CRISPLD1: variants seen among roughly 807,000 people sequenced by gnomAD.
CRISPLD1 encodes the protein cysteine-rich secretory protein LCCL domain-containing 1.
Under a neutral mutation model 77.5 loss-of-function variants are expected in CRISPLD1, and 60 were observed. That is an observed-to-expected ratio of 0.77 (90% confidence interval 0.63 to 0.96). CRISPLD1 has a LOEUF of 0.96. CRISPLD1 is among the 40% of genes least tolerant of loss of function. The pLI is 0.00. For synonymous variants in CRISPLD1, 195 were observed against 200.1 expected (o/e 0.97, Z 0.22); for missense variants, 623 against 615.8 (o/e 1.01, Z -0.12).
intron 2 of CRISPLD1, among the ~76,000 whole-genome samples, chr8:74,993,823 C>T (rs569845208): frequency 6.6e-6 from 1 of 152,164 alleles, no homozygotes; most frequent in African/African-American, 2.4e-5. Context: ...TTACTAAATG[C>T]CAGGCACTAT....
chr8:75,029,609 A>C, intron 14 of CRISPLD1, 92 bp downstream of exon 14: 1 of 1,358,136 alleles, frequency 7.4e-7, no homozygotes, highest in South Asian at 1.4e-5. Flanking sequence ...AATATTTTTA[A>C]TTTTTTTCAA....
Position 75,017,946 on chromosome 8 carries a change from T to G in CRISPLD1, c.1127+496T>G, listed in dbSNP as rs1390862136. Reference sequence around the variant, plus strand: ...TAAAAGTATCCCAATATAAAAGCATTTAATTTTATTAATGTTTCTCCTATT... The same window carrying G: ...TAAAAGTATCCCAATATAAAAGCATGTAATTTTATTAATGTTTCTCCTATT... On this transcript the variant is annotated intron_variant, in intron 10 of 14. Coordinates refer to ENST00000262207, the MANE Select transcript of CRISPLD1 (RefSeq NM_031461.6). Among the ~76,000 whole-genome samples the G allele has an allele frequency of 2.0e-5, 3 of 152,174 alleles. No individual in the cohort carries two copies. In the East Asian group the frequency reaches 5.8e-4, roughly 29 times the overall value.
At chr8:74,995,037 A>G (rs551849667) in intron 2 of CRISPLD1, among the ~76,000 whole-genome samples, 10 of 152,158 alleles carry the variant, frequency 6.6e-5, no homozygotes, top group Non-Finnish European at 1.0e-4. Context: ...GCCAATCTTG[A>G]ACATGAAATT....
At chr8:75,000,075 C>A in intron 2 of CRISPLD1, 1 of 906,210 alleles carries the variant, frequency 1.1e-6, no homozygotes, top group Non-Finnish European at 1.3e-6. Context: ...TAGGCAAGAC[C>A]AGGAGTGAAC....
chr8:75,024,141 T>C (rs1028623912), intron 12 of CRISPLD1, among the ~76,000 whole-genome samples: 1 of 152,078 alleles, frequency 6.6e-6, no homozygotes, highest in African/African-American at 2.4e-5. Context: ...ATTAGGCCCA[T>C]GTGACTGGAG....
rs749547145 is a variant in CRISPLD1 at position 75,032,175 on chromosome 8, T to TA, written c.1452-16_1452-15insA. The TA allele has an allele frequency of 1.1e-4, 34 of 320,590 alleles. No homozygotes were observed. The highest frequency in any genetic ancestry group is 1.1e-4 in the Non-Finnish European group (25 of 237,840). The allele number at this position is 320,590 out of a possible 1,614,324, so 19.9% of individuals were successfully genotyped here. ...ATGACATCAATATACTTTTCATATA[T>TA]TTTTTTTTTTTGCAGTTTACAGAAT... is the stretch of plus-strand genomic sequence containing the variant. On this transcript the variant is annotated splice_polypyrimidine_tract_variant and intron_variant, in intron 14 of 14. Transcript: ENST00000262207.
intron 3 of CRISPLD1, 61 bp downstream of exon 3, chr8:75,012,612 T>A: frequency 8.8e-7 from 1 of 1,137,012 alleles, no homozygotes; most frequent in Non-Finnish European, 1.3e-6. Flanking sequence ...AAGTCCTTAT[T>A]AATTCATCAG....
chr8:75,020,418 G>T (rs1016432852), intron 12 of CRISPLD1, among the ~76,000 whole-genome samples: 1 of 152,182 alleles, frequency 6.6e-6, no homozygotes, highest in Admixed American at 6.5e-5. Context: ...AGTTCTGGAG[G>T]TTGAGAAGTT....
At chr8:75,022,482 C>A (rs1313109858) in intron 12 of CRISPLD1, among the ~76,000 whole-genome samples, 1 of 151,396 alleles carries the variant, frequency 6.6e-6, no homozygotes, top group South Asian at 2.1e-4. Context: ...CCAGCTACTC[C>A]AGAGGCTGAG....
intron 6 of CRISPLD1, 101 bp from the exon 7 acceptor site, chr8:75,016,464 G>GT (rs543768969): frequency 4.7e-4 from 556 of 1,185,970 alleles, no homozygotes; most frequent in Non-Finnish European, 6.1e-4. Flanking sequence ...GATTTTTCTA[G>GT]TTCTAAATGT....
In CRISPLD1 at chr8:75,016,663, G is replaced by A. The variant is rs1813034179; in HGVS notation, c.826G>A (p.Asp276Asn). The A allele has an allele frequency of 1.2e-6, 2 of 1,613,306 alleles. No homozygotes were observed. Among genetic ancestry groups the A allele is most frequent in the Middle Eastern group, 1.7e-4 (1 of 6,052 alleles). The change falls in exon 7 of 15, where the codon GAT becomes AAT. Residue 276 changes from aspartate (D) to asparagine (N), a missense_variant. By Grantham distance (23) the Asp-to-Asn change is conservative. Coordinates refer to ENST00000262207, the MANE Select transcript of CRISPLD1 (RefSeq NM_031461.6). ...TGACACCCATGTCCGGACAAGATCA[G>A]ATGATAGTAGCAGAAATGAAGTCAT... is the stretch of plus-strand genomic sequence containing the variant. Reference protein sequence around the residue: ...VHDTHVRTRSDDSSRNEVISA... With the variant: ...VHDTHVRTRSNDSSRNEVISA...
At chr8:75,023,219 T>G (rs1267990475) in intron 12 of CRISPLD1, among the ~76,000 whole-genome samples, 1 of 152,080 alleles carries the variant, frequency 6.6e-6, no homozygotes, top group Non-Finnish European at 1.5e-5. Context: ...AAGTAGAAAC[T>G]AACTCAACTT....
chr8:75,029,246 A>G, intron 13 of CRISPLD1, 141 bp from the exon 14 acceptor site: 1 of 864,212 alleles, frequency 1.2e-6, no homozygotes, highest in Non-Finnish European at 1.7e-6. Flanking sequence ...TTTTATGCAC[A>G]AAACCTCATC....
At chr8:75,005,872 A>G (rs570630633) in intron 2 of CRISPLD1, among the ~76,000 whole-genome samples, 1 of 152,198 alleles carries the variant, frequency 6.6e-6, no homozygotes, top group African/African-American at 2.4e-5. Flanking sequence ...TTGCAATGCC[A>G]CCATATTTCC....
rs142092464 is a variant in CRISPLD1 at position 74,985,306 on chromosome 8, T to C, written c.-63+386T>C. Among the ~76,000 whole-genome samples the C allele has an allele frequency of 1.8e-3, 278 of 152,206 alleles. 1 individual carries two copies. Among genetic ancestry groups the C allele is most frequent in the African/African-American group, 4.5e-3 (188 of 41,536 alleles). ...ATTGAGTTCTTGACCTGAGCCTGAA[T>C]AGGAAGAGACTTACCCCAGGAACCC... is the stretch of plus-strand genomic sequence containing the variant. On this transcript the variant is annotated intron_variant, in intron 1 of 14. Coordinates refer to ENST00000262207, the MANE Select transcript of CRISPLD1 (RefSeq NM_031461.6).
intron 12 of CRISPLD1, among the ~76,000 whole-genome samples, chr8:75,022,645 G>A (rs1473843910): frequency 6.6e-6 from 1 of 151,076 alleles, no homozygotes; most frequent in Non-Finnish European, 1.5e-5. Flanking sequence ...GGGTTATAAT[G>A]ATATTATTTA....
chr8:75,016,448 A>C, intron 6 of CRISPLD1, 117 bp from the exon 7 acceptor site: 1 of 1,020,868 alleles, frequency 9.8e-7, no homozygotes, highest in Non-Finnish European at 1.4e-6. Context: ...GCAGAAAAAC[A>C]GTACTGATTT....
Position 74,986,146 on chromosome 8 carries a change from G to T in CRISPLD1, c.159G>T (p.Gly53=). Residue 53 remains glycine, a synonymous_variant, in exon 2 of 15, where the codon GGG becomes GGT. Coordinates refer to ENST00000262207, the MANE Select transcript of CRISPLD1 (RefSeq NM_031461.6). The part of the protein sequence containing the change: ...DGEWWIAKQR[G]KRAITDNDMQ... ...AGTGGTGGATAGCCAAACAACGAGG[G>T]AAAAGGGCCATCACAGACAATGACA... 6.2e-7 allele frequency: 1 copy of T among 1,614,088 alleles called. No homozygotes were observed. The highest frequency in any genetic ancestry group is 8.5e-7 in the Non-Finnish European group (1 of 1,180,012).
At chr8:74,996,042 A>ATC (rs1337331083) in intron 2 of CRISPLD1, among the ~76,000 whole-genome samples, 1 of 149,830 alleles carries the variant, frequency 6.7e-6, no homozygotes, top group East Asian at 1.9e-4. Context: ...CTTTATATAT[A>ATC]TATATATATA....
Sources: allele counts gnomAD v4.1 joint callset (sites outside exome capture counted in the v4.1 genomes callset), GRCh38; gene constraint gnomAD v4.1.1; transcripts MANE v1.5; gene names NCBI Gene and HGNC (gene_info 2026-07-23, HGNC 2026-07-21).